TMEM131: variants seen among roughly 807,000 people sequenced by gnomAD.
TMEM131 encodes the protein transmembrane protein 131.
A neutral mutation model predicts 211.6 loss-of-function variants in TMEM131; 66 were observed. The ratio of observed to expected loss-of-function variants is 0.31; its 90% confidence interval spans 0.26 to 0.38. The LOEUF is 0.38. Ranked by LOEUF, TMEM131 falls within the 10% of genes least tolerant of loss-of-function variation. The pLI is 1.00. For missense variants in TMEM131, 2,036 were observed against 2,299.3 expected (o/e 0.89, Z 2.34); for synonymous variants, 844 against 841.3 (o/e 1.00, Z -0.06).
At chr2:97,986,702 C>G (rs183547991) in intron 1 of TMEM131, among the ~76,000 whole-genome samples, 3 of 152,270 alleles carry the variant, frequency 2.0e-5, no homozygotes, top group South Asian at 4.1e-4. Context: ...AGAGACATTA[C>G]CTCTTGGTAG....
intron 5 of TMEM131, among the ~76,000 whole-genome samples, chr2:97,847,240 G>C (rs1368061011): frequency 1.3e-5 from 2 of 152,094 alleles, no homozygotes; most frequent in African/African-American, 4.8e-5. Flanking sequence ...CTACACATTA[G>C]TACAGAAGAA....
At chr2:97,957,002 C>G (rs1488294857) in intron 1 of TMEM131, among the ~76,000 whole-genome samples, 1 of 150,648 alleles carries the variant, frequency 6.6e-6, no homozygotes, top group African/African-American at 2.5e-5. Context: ...GAGGCAGAGG[C>G]AGGAGAATAG....
intron 3 of TMEM131, among the ~76,000 whole-genome samples, chr2:97,890,839 G>T (rs1675347443): frequency 6.6e-6 from 1 of 152,120 alleles, no homozygotes; most frequent in African/African-American, 2.4e-5. Context: ...AAGATCTCCT[G>T]TAAAATGCTT....
At chr2:97,970,410 G>A (rs966687555) in intron 1 of TMEM131, among the ~76,000 whole-genome samples, 1 of 152,184 alleles carries the variant, frequency 6.6e-6, no homozygotes, top group Non-Finnish European at 1.5e-5. Context: ...AAGATAGCAC[G>A]CCTAATCTGC....
At chr2:97,865,348 C>T (rs1412712788) in intron 4 of TMEM131, among the ~76,000 whole-genome samples, 1 of 152,176 alleles carries the variant, frequency 6.6e-6, no homozygotes, top group Non-Finnish European at 1.5e-5. Flanking sequence ...AATAGATCTC[C>T]TTGTGTTGTT....
At chr2:97,825,800 G>T (rs1682355225) in intron 11 of TMEM131, among the ~76,000 whole-genome samples, 1 of 152,208 alleles carries the variant, frequency 6.6e-6, no homozygotes, top group Admixed American at 6.5e-5. Flanking sequence ...TTTATGAGTG[G>T]TTGTGGCAGT....
chr2:97,821,827 G>C (rs912312103), intron 11 of TMEM131, among the ~76,000 whole-genome samples: 1 of 152,194 alleles, frequency 6.6e-6, no homozygotes, highest in Non-Finnish European at 1.5e-5. Context: ...TTCTGGGAAA[G>C]GGCTAACAAC....
chr2:97,766,317 A>G, intron 34 of TMEM131, 54 bp from the exon 35 acceptor site: 1 of 1,610,492 alleles, frequency 6.2e-7, no homozygotes, highest in Non-Finnish European at 8.5e-7. Context: ...CCTTTCTTTC[A>G]GGTCTATTTC....
chr2:97,967,911 G>A (rs995644791), intron 1 of TMEM131, among the ~76,000 whole-genome samples: 9 of 151,488 alleles, frequency 5.9e-5, no homozygotes, highest in African/African-American at 2.2e-4. Context: ...TTTTGGAGAG[G>A]TTTTTTAAGG....
chr2:97,813,065 C>T (rs191381448), intron 15 of TMEM131, among the ~76,000 whole-genome samples: 1 of 152,014 alleles, frequency 6.6e-6, no homozygotes, highest in African/African-American at 2.4e-5. Context: ...ATTTATACGA[C>T]ATAGTTGAGG....
chr2:97,894,374 G>A (rs112992804), intron 3 of TMEM131, among the ~76,000 whole-genome samples: 4 of 152,180 alleles, frequency 2.6e-5, no homozygotes, highest in East Asian at 1.9e-4. Flanking sequence ...TTCTTTTTTC[G>A]TTCCATATGA....
chr2:97,813,850 T>G, intron 15 of TMEM131, 121 bp downstream of exon 15: 1 of 783,972 alleles, frequency 1.3e-6, no homozygotes. Flanking sequence ...ACTAGGAGAA[T>G]TAGATCAATT....
At chr2:97,863,919 G>C (rs996530147) in intron 4 of TMEM131, among the ~76,000 whole-genome samples, 2 of 152,128 alleles carry the variant, frequency 1.3e-5, no homozygotes, top group African/African-American at 4.8e-5. Context: ...AGCGTTTTAT[G>C]TACTCCCATG....
intron 3 of TMEM131, among the ~76,000 whole-genome samples, chr2:97,903,863 G>A (rs1313117638): frequency 2.6e-5 from 4 of 151,962 alleles, no homozygotes; most frequent in African/African-American, 9.6e-5. Flanking sequence ...GGGTTTCACC[G>A]TGTTGCCCAA....
chr2:97,779,568 T>A (rs893543353), intron 31 of TMEM131, among the ~76,000 whole-genome samples: 1 of 152,152 alleles, frequency 6.6e-6, no homozygotes, highest in Non-Finnish European at 1.5e-5. Context: ...TCTCAAAGTG[T>A]CCCCTGTTGC....
intron 1 of TMEM131, among the ~76,000 whole-genome samples, chr2:97,990,219 G>A (rs551562777): frequency 1.3e-5 from 2 of 152,012 alleles, no homozygotes; most frequent in South Asian, 4.2e-4. Flanking sequence ...TCCACTCACT[G>A]GTTTCCTTTT....
intron 1 of TMEM131, among the ~76,000 whole-genome samples, chr2:97,950,382 A>G (rs755896677): frequency 6.6e-6 from 1 of 152,198 alleles, no homozygotes; most frequent in Non-Finnish European, 1.5e-5. Flanking sequence ...AAAAACAGTC[A>G]AAGTTTGAAG....
At chr2:97,859,157 G>T in intron 5 of TMEM131, 147 bp downstream of exon 5, 1 of 804,778 alleles carries the variant, frequency 1.2e-6, no homozygotes, top group Non-Finnish European at 1.9e-6. Flanking sequence ...AAGGGTAGAA[G>T]TAATCATTCT....
At chr2:97,957,437 G>T (rs1678622588) in intron 1 of TMEM131, among the ~76,000 whole-genome samples, 1 of 152,034 alleles carries the variant, frequency 6.6e-6, no homozygotes, top group South Asian at 2.1e-4. Flanking sequence ...CTAGTAACCA[G>T]GCACAAATTT....
Sources: gnomAD v4.1 joint callset for allele counts (sites outside exome capture counted in the v4.1 genomes callset) on GRCh38, gnomAD v4.1.1 for gene constraint, MANE v1.5 for transcripts, NCBI Gene and HGNC (gene_info 2026-07-23, HGNC 2026-07-21) for gene names.